Variants in AKT2 observed in about 807,000 individuals in gnomAD.
AKT2 encodes AKT serine/threonine kinase 2.
A neutral mutation model predicts 58.6 loss-of-function variants in AKT2; 16 were observed. The ratio of observed to expected loss-of-function variants is 0.27; its 90% confidence interval spans 0.18 to 0.41. AKT2 has a LOEUF of 0.41. AKT2 is among the 10% of genes least tolerant of loss of function. The pLI, the probability that AKT2 is intolerant of heterozygous loss-of-function variation, is 1.00. For synonymous variants in AKT2, 253 were observed against 254.0 expected (o/e 1.00, Z 0.04); for missense variants, 438 against 661.0 (o/e 0.66, Z 3.70).
intron 1 of AKT2, chr19:40,283,137 C>G (rs2077453451): frequency 1.3e-5 from 2 of 152,596 alleles, no homozygotes; most frequent in African/African-American, 2.4e-5. Flanking sequence ...CACTGGGCAT[C>G]CACTAGCTCT....
In AKT2 at chr19:40,277,367, C is replaced by T. The variant is rs748829579; in HGVS notation, c.-85+7814G>A. Reference sequence around the variant, plus strand: ...CCTCCCACCCGCCAAGGCCTTCGGACACCAGTTTGAGAAGCTGGGCTCTAG... The same window carrying T: ...CCTCCCACCCGCCAAGGCCTTCGGATACCAGTTTGAGAAGCTGGGCTCTAG... On this transcript the variant is annotated intron_variant, in intron 1 of 13. Coordinates refer to ENST00000392038, the MANE Select transcript of AKT2 (RefSeq NM_001626.6). Among the ~76,000 whole-genome samples, 4 of 152,224 alleles carry T rather than the reference C, an allele frequency of 2.6e-5. No individual in the cohort carries two copies. The East Asian group carries it at 7.7e-4, about 29-fold the overall frequency.
intron 2 of AKT2, among the ~76,000 whole-genome samples, chr19:40,262,890 A>G (rs1976064853): frequency 6.6e-6 from 1 of 152,220 alleles, no homozygotes; most frequent in South Asian, 2.1e-4. Flanking sequence ...ACAGGTCCCA[A>G]AACAGCAGTA....
rs746045442 is a variant in AKT2 at position 40,242,001 on chromosome 19, C to T, written c.510G>A (p.Arg170=). The T allele has an allele frequency of 6.2e-7, 1 of 1,614,248 alleles. No individual in the cohort carries two copies. Among genetic ancestry groups the T allele is most frequent in the Non-Finnish European group, 8.5e-7 (1 of 1,180,050 alleles). Residue 170 remains arginine (R), a synonymous_variant, in exon 6 of 14, where the codon CGG becomes CGA. Transcript: ENST00000392038. The surrounding 1 kb of genome is among the most constrained non-coding windows in gnomAD (Gnocchi z 4.3). ...CGTAGTAGCGGCCAGTGGCCTTCTC[C>T]CGCACCAGGATGACTTTGCCAAAGG... ...KGTFGKVILV[R]EKATGRYYAM...
intron 2 of AKT2, 96 bp downstream of exon 2, chr19:40,265,126 G>T: frequency 6.5e-7 from 1 of 1,536,584 alleles, no homozygotes; most frequent in Non-Finnish European, 8.8e-7. Context: ...GGCTCCTCAG[G>T]CTGGTAAGAC....
chr19:40,267,329 G>A (rs1013991481), intron 1 of AKT2, among the ~76,000 whole-genome samples: 9 of 152,188 alleles, frequency 5.9e-5, no homozygotes, highest in African/African-American at 2.2e-4. Context: ...GAAAGCCCTC[G>A]GGAAAGGCTA....
intron 6 of AKT2, chr19:40,241,646 T>C (rs1477135081): frequency 4.3e-6 from 2 of 460,540 alleles, no homozygotes; most frequent in African/African-American, 2.0e-5. Flanking sequence ...AACAGCGACG[T>C]CCTCCCCAAC....
At chr19:40,273,899 A>G (rs1000006757) in intron 1 of AKT2, among the ~76,000 whole-genome samples, 1 of 152,080 alleles carries the variant, frequency 6.6e-6, no homozygotes, top group Non-Finnish European at 1.5e-5. Flanking sequence ...CAAGGCCCCT[A>G]TGGAGGCTGC....
chr19:40,265,572 C>G (rs575074202), intron 1 of AKT2: 5 of 568,804 alleles, frequency 8.8e-6, no homozygotes, highest in Non-Finnish European at 1.5e-5. Context: ...AGCTCCCCGG[C>G]CTAAGCGCAG....
chr19:40,240,020 G>T, intron 7 of AKT2, 25 bp downstream of exon 7: 21 of 1,610,976 alleles, frequency 1.3e-5, no homozygotes, highest in Non-Finnish European at 1.8e-5. Context: ...GCCTCACACT[G>T]TCTGGGAAGG....
At chr19:40,270,998 G>T (rs997535135) in intron 1 of AKT2, among the ~76,000 whole-genome samples, 1 of 151,118 alleles carries the variant, frequency 6.6e-6, no homozygotes, top group African/African-American at 2.4e-5. Context: ...GGGAGACAGA[G>T]CAAAACTGTG....
At position 40,241,960 on chromosome 19, in the gene AKT2, C is replaced by T. The variant is rs1470454115; in HGVS notation, c.551G>A (p.Arg184Gln). Residue 184 changes from arginine to glutamine, a missense_variant, in exon 6 of 14, where the codon CGG becomes CAG. Around this residue, in one of 3 missense-constraint regions of AKT2, gnomAD observed 244 missense variants for 347.1 expected, o/e 0.70. Transcript: ENST00000392038. Reference sequence around the variant, plus strand: ...CACCTTGGCAATGATGACTTCCTTCCGCAGGATCTTCATGGCGTAGTAGCG... The same window carrying T: ...CACCTTGGCAATGATGACTTCCTTCTGCAGGATCTTCATGGCGTAGTAGCG... ...TGRYYAMKIL[R>Q]KEVIIAKDEV... The T allele has an allele frequency of 6.2e-7, 1 of 1,614,146 alleles. No individual in the cohort carries two copies. The highest frequency in any genetic ancestry group is 8.5e-7 in the Non-Finnish European group (1 of 1,180,052).
intron 1 of AKT2, among the ~76,000 whole-genome samples, chr19:40,280,473 C>A (rs930894929): frequency 1.3e-5 from 2 of 152,140 alleles, no homozygotes; most frequent in Admixed American, 1.3e-4. Flanking sequence ...TACCCACGCC[C>A]CCAGGCAGGA....
intron 1 of AKT2, chr19:40,283,223 G>A (rs897236449): frequency 6.6e-6 from 1 of 152,272 alleles, no homozygotes; most frequent in Non-Finnish European, 1.5e-5. Flanking sequence ...TACCGCTCTA[G>A]AATTCAAGTA....
intron 1 of AKT2, chr19:40,282,391 A>G: frequency 2.3e-6 from 1 of 427,788 alleles, no homozygotes; most frequent in Non-Finnish European, 4.7e-6. Context: ...GGTCCCTGGT[A>G]GCTGTGTCAC....
In AKT2 at chr19:40,235,414, C is replaced by G. The variant is rs772964010; in HGVS notation, c.1176-64G>C. 3 of 1,498,534 alleles carry G rather than the reference C, an allele frequency of 2.0e-6. No homozygotes were observed. The South Asian group carries it at 3.4e-5, about 17-fold the overall frequency. The allele number at this position is 1,498,534 out of a possible 1,614,324, so 92.8% of individuals were successfully genotyped here. On this transcript the variant is annotated intron_variant, in intron 11 of 13. Coordinates refer to ENST00000392038, the MANE Select transcript of AKT2 (RefSeq NM_001626.6). This position sits in a 1 kb window ranked among gnomAD's most constrained non-coding sequence, Gnocchi z 6.3. ...AGCTGGGTTCGGGCAGACGGGCTTT[C>G]GGAGCAGGCAGGCCCTGTATGGCCC...
At position 40,234,062 on chromosome 19, in the gene AKT2, G is replaced by C; in HGVS notation, c.1367-111C>G. 9.3e-7 allele frequency: 1 copy of C among 1,079,344 alleles called. No homozygotes were observed. The highest frequency in any genetic ancestry group is 1.5e-5 in the South Asian group (1 of 68,688). 66.9% of individuals were successfully genotyped at this position (1,079,344 alleles called of 1,614,324 possible). A position where few individuals can be genotyped will look rare whatever the true frequency, so the allele number is the denominator to read the frequency against. Reference sequence around the variant, plus strand: ...CTGGCGGGGGCTGCCCACAGGACAGGACAGGAAAGGCCCATCCCTCCGCAA... The same window carrying C: ...CTGGCGGGGGCTGCCCACAGGACAGCACAGGAAAGGCCCATCCCTCCGCAA... On this transcript the variant is annotated intron_variant, in intron 13 of 13. Coordinates refer to ENST00000392038, the MANE Select transcript of AKT2 (RefSeq NM_001626.6). This position sits in a 1 kb window ranked among gnomAD's most constrained non-coding sequence, Gnocchi z 4.7.
intron 2 of AKT2, among the ~76,000 whole-genome samples, chr19:40,262,958 G>A (rs1339795299): frequency 6.6e-6 from 1 of 152,200 alleles, no homozygotes; most frequent in Non-Finnish European, 1.5e-5. Flanking sequence ...AGAAAGATGG[G>A]CACTGGGAAG....
intron 2 of AKT2, among the ~76,000 whole-genome samples, chr19:40,259,214 G>GA (rs1307128820): frequency 1.3e-5 from 2 of 152,008 alleles, no homozygotes; most frequent in East Asian, 1.9e-4. Flanking sequence ...AAACCTAGAA[G>GA]AAAAAATATC....
At chr19:40,255,321 C>G (rs908253785) in intron 3 of AKT2, 52 bp from the exon 4 acceptor site, 5 of 1,519,500 alleles carry the variant, frequency 3.3e-6, no homozygotes, top group Non-Finnish European at 4.6e-6. Context: ...GCCCTGCTAG[C>G]CTGCAGCCCA....
Sources: allele counts gnomAD v4.1 joint callset (sites outside exome capture counted in the v4.1 genomes callset), GRCh38; gene constraint gnomAD v4.1.1; regional missense constraint gnomAD v4.1.1; non-coding constraint Gnocchi (gnomAD v3.1); transcripts MANE v1.5; gene names NCBI Gene and HGNC (gene_info 2026-07-23, HGNC 2026-07-21).